TYW5: variants seen among roughly 807,000 people sequenced by gnomAD.
TYW5 encodes tRNA-yW synthesizing protein 5.
In TYW5, 36 loss-of-function variants were observed where a neutral mutation model predicts 44.4. The ratio of observed to expected loss-of-function variants is 0.81; its 90% CI spans 0.62 to 1.07. The LOEUF is 1.07. Among genes scored for constraint, TYW5 ranks in the 50% least tolerant of loss-of-function variants. The pLI is 0.00. For synonymous variants in TYW5, 121 were observed against 128.1 expected (o/e 0.94, Z 0.37); for missense variants, 354 against 365.7 (o/e 0.97, Z 0.26).
intron 1 of TYW5, among the ~76,000 whole-genome samples, chr2:199,950,684 T>G (rs1198680628): frequency 1.3e-5 from 2 of 152,158 alleles, no homozygotes; most frequent in Non-Finnish European, 2.9e-5. Context: ...GCGCGTGCCC[T>G]GAGATGGGAT....
In TYW5 at chr2:199,954,997, GTTAGAATTCAAGACGAGTAGGAGT is replaced by G. The variant is rs536308572; in HGVS notation, c.78+372_78+395del. Among the ~76,000 whole-genome samples the G allele has an allele frequency of 1.3e-4, 20 of 152,336 alleles. No homozygotes were observed. In the South Asian group the frequency reaches 4.1e-3, roughly 32 times the overall value. On this transcript the variant is annotated intron_variant, in intron 1 of 7. Transcript: ENST00000354611. ...AATGTCGGAACTAGAACCTAAGTAA[GTTAGAATTCAAGACGAGTAGGAGT>G]TTTCCGGGGGAATCCCATTGCTTTC...
rs1316587298 is a variant in TYW5, at chr2:199,929,686, A to AATT, written c.*3378_*3380dup. On this transcript the variant is annotated 3_prime_UTR_variant, in exon 8 of 8. Transcript: ENST00000354611. ...GCTGTTCAAAAGGATGAAGGATACA[A>AATT]ATTAAGTTTTGTTGACTTTGTTTCC... 1.3e-5 allele frequency among the ~76,000 whole-genome samples: 2 copies of AATT among 152,124 alleles called. No homozygotes were observed. Among genetic ancestry groups the AATT allele is most frequent in the Admixed American group, 6.6e-5 (1 of 15,264 alleles).
intron 7 of TYW5, 109 bp from the exon 8 acceptor site, chr2:199,933,432 C>A (rs2077395888): frequency 2.1e-6 from 2 of 950,030 alleles, no homozygotes; most frequent in East Asian, 2.6e-5. Context: ...AGAAATAATT[C>A]TTGTAACCAG....
Position 199,933,316 on chromosome 2 carries a change from C to A in TYW5, c.699G>T (p.Trp233Cys), listed in dbSNP as rs757812759. ...ACTCTTCAGAAATTACATTATGGAA[C>A]CATAAAGCTGGAGAAAGTTTAAAAA... ...AGDVLFIPAL[W>C]FHNVISEEFG... The change falls in exon 8 of 8, where the codon TGG becomes TGT. Residue 233 changes from tryptophan to cysteine, a missense_variant. Transcript: ENST00000354611. The A allele has an allele frequency of 1.3e-6, 2 of 1,593,972 alleles. No homozygotes were observed. Among genetic ancestry groups the A allele is most frequent in the African/African-American group, 2.7e-5 (2 of 73,696 alleles).
At chr2:199,933,935 A>G (rs895070580) in intron 7 of TYW5, among the ~76,000 whole-genome samples, 1 of 152,172 alleles carries the variant, frequency 6.6e-6, no homozygotes, top group African/African-American at 2.4e-5. Context: ...GGAAATGATG[A>G]GTAAACTTTA....
At chr2:199,942,820 A>G (rs970699451) in intron 3 of TYW5, 8 of 152,246 alleles carry the variant, frequency 5.3e-5, no homozygotes, top group African/African-American at 1.7e-4. Flanking sequence ...CAAAGATTAA[A>G]AAGCAATTTG....
intron 7 of TYW5, among the ~76,000 whole-genome samples, chr2:199,934,762 TTAATTA>T (rs2077406223): frequency 6.6e-6 from 1 of 152,102 alleles, no homozygotes; most frequent in South Asian, 2.1e-4. Context: ...CCCTTTAATT[TTAATTA>T]TGATTTTTAT....
At position 199,929,723 on chromosome 2, in the gene TYW5, A is replaced by AT. The variant is rs2077359293; in HGVS notation, c.*3343dup. The stretch of plus-strand genomic sequence containing the variant: ...TTGACTTTGTTTCCTTTGTTTTGGT[A>AT]TTTTATCAAAGTGAGTTAGAAATTA... On this transcript the variant is annotated 3_prime_UTR_variant, in exon 8 of 8. Transcript: ENST00000354611. Among the ~76,000 whole-genome samples, 2 of 152,180 alleles carry AT rather than the reference A, an allele frequency of 1.3e-5. No individual in the cohort carries two copies. Among genetic ancestry groups the AT allele is most frequent in the Admixed American group, 1.3e-4 (2 of 15,286 alleles).
At chr2:199,950,462 G>A (rs1409069915) in intron 1 of TYW5, among the ~76,000 whole-genome samples, 1 of 152,094 alleles carries the variant, frequency 6.6e-6, no homozygotes, top group Non-Finnish European at 1.5e-5. Context: ...TTATAACACA[G>A]ATGAGAAAAA....
At chr2:199,953,230 G>T (rs2077560711) in intron 1 of TYW5, among the ~76,000 whole-genome samples, 1 of 152,168 alleles carries the variant, frequency 6.6e-6, no homozygotes, top group African/African-American at 2.4e-5. Flanking sequence ...GGCTGAGGCA[G>T]GAGAATCGCT....
intron 2 of TYW5, chr2:199,945,948 T>C (rs1286891549): frequency 1.3e-5 from 2 of 152,172 alleles, no homozygotes; most frequent in African/African-American, 4.8e-5. Flanking sequence ...AACAAGGGCA[T>C]TGGTTATTAA....
intron 2 of TYW5, chr2:199,945,904 G>A (rs940171584): frequency 6.6e-6 from 1 of 152,124 alleles, no homozygotes; most frequent in Admixed American, 6.6e-5. Context: ...AAGTTCTTTG[G>A]CTTTTTAAAA....
At chr2:199,935,138 G>A (rs2077408672) in intron 7 of TYW5, among the ~76,000 whole-genome samples, 1 of 151,760 alleles carries the variant, frequency 6.6e-6, no homozygotes. Flanking sequence ...TCATTTAATA[G>A]AGTATATTAT....
chr2:199,943,184 A>C (rs2077478699), intron 3 of TYW5: 1 of 152,250 alleles, frequency 6.6e-6, no homozygotes, highest in Non-Finnish European at 1.5e-5. Flanking sequence ...AAACATATTT[A>C]TATACAAGGC....
At chr2:199,944,758 G>A (rs1222513457) in intron 2 of TYW5, 1 of 152,100 alleles carries the variant, frequency 6.6e-6, no homozygotes, top group East Asian at 1.9e-4. Context: ...CTTCCCACTT[G>A]AACTCTGTAC....
chr2:199,935,975 C>T lies in TYW5; in HGVS notation c.647G>A (p.Arg216Lys). The T allele has an allele frequency of 6.2e-7, 1 of 1,613,122 alleles. No homozygotes were observed. Among genetic ancestry groups the T allele is most frequent in the Non-Finnish European group, 8.5e-7 (1 of 1,179,440 alleles). ...ACCAGCTTCAAGGGAACATTCATAT[C>T]TTCTAGCCTTGGAAAAAAGTGGATA... is the stretch of plus-strand genomic sequence containing the variant. ...AKYPLFSKAR[R>K]YECSLEAGDV... is the part of the protein sequence containing the mutation. Residue 216 changes from arginine (R) to lysine (K), a missense_variant, in exon 7 of 8, where the codon AGA becomes AAA. Coordinates refer to ENST00000354611, the MANE Select transcript of TYW5 (RefSeq NM_001039693.3).
chr2:199,943,826 G>A lies in TYW5; in HGVS notation c.242C>T (p.Pro81Leu). The change falls in exon 3 of 8, where the codon CCT (proline) becomes CTT (leucine). Residue 81 changes from proline (P) to leucine (L), a missense_variant. Transcript: ENST00000354611. ...ISKNFVYRTL[P>L]FDQLVQRAAE... Reference sequence around the variant, plus strand: ...TGCCCTCTGGACCAACTGGTCAAAAGGTAAAGTTCTGAAATAAACACAAAG... The same window carrying A: ...TGCCCTCTGGACCAACTGGTCAAAAAGTAAAGTTCTGAAATAAACACAAAG... The A allele has an allele frequency of 6.2e-7, 1 of 1,608,052 alleles. No individual in the cohort carries two copies. The highest frequency in any genetic ancestry group is 8.5e-7 in the Non-Finnish European group (1 of 1,178,446).
At chr2:199,947,478 C>A (rs1331985774) in intron 2 of TYW5, 2 of 152,084 alleles carry the variant, frequency 1.3e-5, no homozygotes, top group African/African-American at 4.8e-5. Context: ...CATAAAATAA[C>A]CATCATGGGA....
rs1384904733 is a variant in TYW5 at position 199,948,492 on chromosome 2, TACA to T, written c.79-23_79-21del. The T allele has an allele frequency of 5.6e-6, 9 of 1,613,068 alleles. No homozygotes were observed. Among genetic ancestry groups the T allele is most frequent in the Non-Finnish European group, 7.6e-6 (9 of 1,179,704 alleles). On this transcript the variant is annotated intron_variant, in intron 1 of 7. Transcript: ENST00000354611. ...TTTTCTCTGTAAGTGGGGAAAGAAA[TACA>T]ACAAAATTCATGAAAACCAACAACA...
Sources: gnomAD v4.1 joint callset for allele counts (sites outside exome capture counted in the v4.1 genomes callset) on GRCh38, gnomAD v4.1.1 for gene constraint, MANE v1.5 for transcripts, NCBI Gene and HGNC (gene_info 2026-07-23, HGNC 2026-07-21) for gene names.